Variants in RBM33 observed in about 807,000 individuals in gnomAD.
RBM33 encodes the protein RNA-binding protein 33.
RBM33 carries 28 observed loss-of-function variants against 132.6 expected under a neutral mutation model. The ratio of observed to expected loss-of-function variants is 0.21; its 90% CI spans 0.16 to 0.29. The LOEUF (loss-of-function observed/expected upper bound fraction) is 0.29, where lower values mean the gene tolerates loss of function less well. Ranked by LOEUF, RBM33 falls within the 10% of genes least tolerant of loss-of-function variation. The pLI is 1.00. For synonymous variants in RBM33, 634 were observed against 593.0 expected, an observed-to-expected ratio of 1.07 and a Z score of -1.01; for missense variants, 1,291 against 1,518.5, an observed-to-expected ratio of 0.85 and a Z score of 2.49.
chr7:155,766,320 C>CT (rs754142712), intron 15 of RBM33, 147 bp from the exon 16 acceptor site: 189 of 899,022 alleles, frequency 2.1e-4, no homozygotes, highest in Non-Finnish European at 2.9e-4. Context: ...AAAACATTCT[C>CT]TGATAGTGGA....
intron 8 of RBM33, among the ~76,000 whole-genome samples, chr7:155,712,192 C>G (rs950963558): frequency 7.2e-5 from 11 of 152,328 alleles, no homozygotes; most frequent in South Asian, 4.1e-4. Flanking sequence ...AGCATGCCCC[C>G]CTTCAATTCC....
intron 9 of RBM33, among the ~76,000 whole-genome samples, chr7:155,732,109 C>T (rs1800972262): frequency 6.6e-6 from 1 of 152,116 alleles, no homozygotes; most frequent in African/African-American, 2.4e-5. Flanking sequence ...AACAGTGTAC[C>T]CTGCAACTGC....
Position 155,648,340 on chromosome 7 carries a change from C to T in RBM33, c.43+3421C>T, listed in dbSNP as rs149240814. ...AATTTACATTTGATAGTAAACTAGC[C>T]GAGAAAAGTTCAGCCACCTAGCTGT... On this transcript the variant is annotated intron_variant, in intron 1 of 17. Coordinates refer to ENST00000401878, the MANE Select transcript of RBM33 (RefSeq NM_053043.3). Among the ~76,000 whole-genome samples the T allele has an allele frequency of 2.0e-3, 307 of 152,152 alleles. 1 individual carries two copies. The highest frequency in any genetic ancestry group is 6.8e-3 in the Middle Eastern group (2 of 292).
chr7:155,683,248 G>A (rs1799384739), intron 5 of RBM33, among the ~76,000 whole-genome samples: 1 of 152,206 alleles, frequency 6.6e-6, no homozygotes, highest in African/African-American at 2.4e-5. Flanking sequence ...ATTAAATTGT[G>A]AGGTACTCTT....
At chr7:155,705,306 T>G (rs1040551852) in intron 6 of RBM33, among the ~76,000 whole-genome samples, 25 of 152,250 alleles carry the variant, frequency 1.6e-4, no homozygotes, top group African/African-American at 5.8e-4. Flanking sequence ...ATTTTATTAC[T>G]GAGGATAGTG....
intron 14 of RBM33, among the ~76,000 whole-genome samples, chr7:155,762,025 C>T (rs1263811862): frequency 6.6e-6 from 1 of 152,208 alleles, no homozygotes; most frequent in African/African-American, 2.4e-5. Flanking sequence ...TAGGGGTTGA[C>T]CCGACTGCTG....
At chr7:155,653,697 C>T (rs1019497516) in intron 1 of RBM33, among the ~76,000 whole-genome samples, 5 of 152,166 alleles carry the variant, frequency 3.3e-5, no homozygotes, top group South Asian at 2.1e-4. Flanking sequence ...CACCCTGACC[C>T]TTCAGACTGG....
intron 6 of RBM33, among the ~76,000 whole-genome samples, chr7:155,702,725 A>G (rs1800003864): frequency 6.6e-6 from 1 of 152,194 alleles, no homozygotes; most frequent in Non-Finnish European, 1.5e-5. Context: ...TGGAAGGCAT[A>G]AAGCTTCCTG....
rs1249228080 is a variant in RBM33 at position 155,774,161 on chromosome 7, G to A, written c.3376-398G>A. Among the ~76,000 whole-genome samples the A allele has an allele frequency of 6.6e-6, 1 of 152,224 alleles. No homozygotes were observed. Among genetic ancestry groups the A allele is most frequent in the East Asian group, 1.9e-4 (1 of 5,194 alleles). On this transcript the variant is annotated intron_variant, in intron 16 of 17. Transcript: ENST00000401878. This position sits in a 1 kb window ranked among gnomAD's most constrained non-coding sequence, Gnocchi z 4.2. The stretch of plus-strand genomic sequence containing the variant: ...ACTAAACAGTTTCCTCTGGTGTGAT[G>A]AGTCCTGTTCTTAAAAAATTCATGG...
chr7:155,734,113 A>ACTGGT (rs1224256265), intron 9 of RBM33, among the ~76,000 whole-genome samples: 3 of 152,128 alleles, frequency 2.0e-5, no homozygotes. Flanking sequence ...TTGTCTTTCA[A>ACTGGT]CTGGTCTGTA....
intron 5 of RBM33, among the ~76,000 whole-genome samples, chr7:155,690,069 G>T (rs1314193580): frequency 6.6e-6 from 1 of 152,114 alleles, no homozygotes; most frequent in African/African-American, 2.4e-5. Context: ...TGACAGTGGG[G>T]TGTTAAAGTC....
intron 5 of RBM33, among the ~76,000 whole-genome samples, chr7:155,699,373 G>C (rs979930134): frequency 6.6e-6 from 1 of 152,132 alleles, no homozygotes; most frequent in Admixed American, 6.5e-5. Flanking sequence ...TGATGACTGG[G>C]CATTGAATTG....
In RBM33 at chr7:155,738,380, A is replaced by G; in HGVS notation, c.1714A>G (p.Thr572Ala). 1 of 1,606,678 alleles carries G rather than the reference A, an allele frequency of 6.2e-7. No individual in the cohort carries two copies. The highest frequency in any genetic ancestry group is 8.5e-7 in the Non-Finnish European group (1 of 1,174,790). The change falls in exon 11 of 18, where the codon ACA becomes GCA. Residue 572 changes from threonine to alanine, a missense_variant. This residue lies in a region of RBM33 where 841 missense variants were observed against 912.0 expected (regional missense o/e 0.92). Coordinates refer to ENST00000401878, the MANE Select transcript of RBM33 (RefSeq NM_053043.3). ...LPGPGQPFLP[T>A]HTQPNLQGPL... ...AGGCCCAGGACAGCCGTTTCTGCCC[A>G]CACACACACAGCCCAACCTGCAGGT...
chr7:155,714,898 T>C (rs1347371134), intron 8 of RBM33, among the ~76,000 whole-genome samples: 2 of 152,138 alleles, frequency 1.3e-5, no homozygotes, highest in African/African-American at 2.4e-5. Flanking sequence ...CAGGGGACTG[T>C]GATGGTGACG....
At chr7:155,671,032 G>A (rs200381552) in intron 2 of RBM33, among the ~76,000 whole-genome samples, 2 of 152,140 alleles carry the variant, frequency 1.3e-5, no homozygotes, top group East Asian at 1.9e-4. Flanking sequence ...TGGGAAACTG[G>A]CATCACATTC....
intron 5 of RBM33, among the ~76,000 whole-genome samples, chr7:155,697,936 G>GTGAAA (rs1308537340): frequency 1.3e-5 from 2 of 152,124 alleles, no homozygotes; most frequent in Admixed American, 1.3e-4. Flanking sequence ...AATGTCTATA[G>GTGAAA]TGAAATGAAA....
At chr7:155,748,125 C>T (rs73167172) in intron 14 of RBM33, among the ~76,000 whole-genome samples, 4,160 of 152,308 alleles carry the variant, frequency 0.027, 72 homozygotes, top group Middle Eastern at 0.037. Flanking sequence ...GGAGGATTGA[C>T]TTGTGCATGG....
intron 9 of RBM33, among the ~76,000 whole-genome samples, chr7:155,725,356 GT>G (rs1419508644): frequency 6.6e-6 from 1 of 151,936 alleles, no homozygotes; most frequent in Admixed American, 6.6e-5. Flanking sequence ...ATTATTTTTT[GT>G]TTTAGAGATT....
At chr7:155,687,857 C>A (rs1799524130) in intron 5 of RBM33, among the ~76,000 whole-genome samples, 1 of 152,124 alleles carries the variant, frequency 6.6e-6, no homozygotes, top group Non-Finnish European at 1.5e-5. Context: ...GTACCAGTAC[C>A]ATGCTGTTTT....
Sources: allele counts gnomAD v4.1 joint callset (sites outside exome capture counted in the v4.1 genomes callset), GRCh38; gene constraint gnomAD v4.1.1; regional missense constraint gnomAD v4.1.1; non-coding constraint Gnocchi (gnomAD v3.1); transcripts MANE v1.5; gene names NCBI Gene and HGNC (gene_info 2026-07-23, HGNC 2026-07-21).